The following SMPD3 variants were observed in gnomAD, a reference collection of about 807,000 sequenced individuals.
SMPD3 encodes sphingomyelin phosphodiesterase 3, also known as nSMase-2.
SMPD3 carries 21 observed loss-of-function variants against 55.7 expected under a neutral mutation model. The observed-to-expected ratio is 0.38, with a 90% confidence interval of 0.27 to 0.54. The LOEUF is 0.54. Ranked by LOEUF, SMPD3 falls within the 20% of genes least tolerant of loss-of-function variation. The pLI, the probability that SMPD3 is intolerant of heterozygous loss-of-function variation, is 0.80. For missense variants in SMPD3, 842 were observed against 899.6 expected, an observed-to-expected ratio of 0.94 and a Z score of 0.82; for synonymous variants, 457 against 404.3, an observed-to-expected ratio of 1.13 and a Z score of -1.56.
Position 68,361,019 on chromosome 16 carries a change from C to G in SMPD3, c.*187G>C, listed in dbSNP as rs1332559550. The G allele has an allele frequency of 1.7e-6, 1 of 579,072 alleles. No homozygotes were observed. Among genetic ancestry groups the G allele is most frequent in the East Asian group, 2.9e-5 (1 of 34,108 alleles). The allele number at this position is 579,072 out of a possible 1,614,324, so 35.9% of individuals were successfully genotyped here. On this transcript the variant is annotated 3_prime_UTR_variant, in exon 9 of 9. Coordinates refer to ENST00000219334, the MANE Select transcript of SMPD3 (RefSeq NM_018667.4). ...CTGGAGGCTCCTGGGGCGGGCCTGA[C>G]TCCTCTGTCCACAGTGAGGCCCAGA...
intron 1 of SMPD3, among the ~76,000 whole-genome samples, chr16:68,424,981 C>A (rs1315008144): frequency 6.6e-6 from 1 of 152,150 alleles, no homozygotes; most frequent in African/African-American, 2.4e-5. Context: ...CAAAATGCTG[C>A]GATTGCTGGT....
intron 2 of SMPD3, among the ~76,000 whole-genome samples, chr16:68,382,986 A>G (rs1368854224): frequency 2.0e-5 from 3 of 152,158 alleles, no homozygotes; most frequent in African/African-American, 7.2e-5. Flanking sequence ...CTGGGATTAC[A>G]GGCATGTGCC....
chr16:68,410,948 G>A (rs1192549160), intron 1 of SMPD3, among the ~76,000 whole-genome samples: 5 of 152,240 alleles, frequency 3.3e-5, no homozygotes, highest in African/African-American at 4.8e-5. Flanking sequence ...CAGACTTCAC[G>A]GCAGATGCCA....
chr16:68,445,595 T>C (rs139837821), intron 1 of SMPD3, among the ~76,000 whole-genome samples: 197 of 152,282 alleles, frequency 1.3e-3, no homozygotes, highest in Non-Finnish European at 2.4e-3. Flanking sequence ...CTCTACACCA[T>C]GGGGGAGTGT....
chr16:68,412,278 G>A (rs772770602), intron 1 of SMPD3, among the ~76,000 whole-genome samples: 1 of 152,164 alleles, frequency 6.6e-6, no homozygotes, highest in African/African-American at 2.4e-5. Context: ...GTGCCAACAC[G>A]CACTGCCATT....
chr16:68,426,153 A>G (rs2090434562), intron 1 of SMPD3, among the ~76,000 whole-genome samples: 1 of 152,222 alleles, frequency 6.6e-6, no homozygotes, highest in Non-Finnish European at 1.5e-5. Flanking sequence ...TGCAAGATGC[A>G]TAGCATAGTT....
In SMPD3 at chr16:68,361,047, C is replaced by T. The variant is rs970853395; in HGVS notation, c.*159G>A. The T allele has an allele frequency of 2.0e-5, 13 of 658,392 alleles. No homozygotes were observed. Among genetic ancestry groups the T allele is most frequent in the African/African-American group, 3.6e-5 (2 of 54,928 alleles). The allele number at this position is 658,392 out of a possible 1,614,324, so 40.8% of individuals were successfully genotyped here. A position where few individuals can be genotyped will look rare whatever the true frequency, so the allele number is the denominator to read the frequency against. ...CTCTGTCCACAGTGAGGCCCAGAGGCGCAGAGCAGCGCAGCTTCCAGGTTC... is the reference window on the plus strand; with the variant it reads ...CTCTGTCCACAGTGAGGCCCAGAGGTGCAGAGCAGCGCAGCTTCCAGGTTC... On this transcript the variant is annotated 3_prime_UTR_variant, in exon 9 of 9. Transcript: ENST00000219334.
intron 1 of SMPD3, among the ~76,000 whole-genome samples, chr16:68,420,849 G>A (rs552863672): frequency 6.6e-6 from 1 of 152,302 alleles, no homozygotes; most frequent in South Asian, 2.1e-4. Context: ...TCAGGTAGGT[G>A]GGGGCCCTGA....
At chr16:68,379,591 G>A (rs1255284396) in intron 2 of SMPD3, among the ~76,000 whole-genome samples, 1 of 152,192 alleles carries the variant, frequency 6.6e-6, no homozygotes, top group Non-Finnish European at 1.5e-5. Context: ...GGTGCATGGC[G>A]AGGACAGTGC....
In SMPD3 at chr16:68,358,966, A is replaced by C. The variant is rs2089041708; in HGVS notation, c.*2240T>G. On this transcript the variant is annotated 3_prime_UTR_variant, in exon 9 of 9. Coordinates refer to ENST00000219334, the MANE Select transcript of SMPD3 (RefSeq NM_018667.4). ...GTGTGCGGGGGCCTGGGGGCCGCAC[A>C]TCCTTACTCTGGACCCCAGGACCTG... 6.6e-6 allele frequency: 1 copy of C among 152,606 alleles called. No individual in the cohort carries two copies. The highest frequency in any genetic ancestry group is 1.5e-5 in the Non-Finnish European group (1 of 68,052). 9.5% of individuals were successfully genotyped at this position (152,606 alleles called of 1,614,324 possible).
At chr16:68,394,149 C>A (rs1018104963) in intron 1 of SMPD3, among the ~76,000 whole-genome samples, 1 of 152,084 alleles carries the variant, frequency 6.6e-6, no homozygotes, top group African/African-American at 2.4e-5. Context: ...TTTCTGGAAA[C>A]TTTTCTTATA....
At chr16:68,398,182 A>G (rs550691820) in intron 1 of SMPD3, among the ~76,000 whole-genome samples, 1 of 152,360 alleles carries the variant, frequency 6.6e-6, no homozygotes, top group Admixed American at 6.5e-5. Flanking sequence ...GGTCAAGGAC[A>G]GAAGCTTGGG....
chr16:68,402,069 C>T (rs374111469), intron 1 of SMPD3, among the ~76,000 whole-genome samples: 22 of 152,332 alleles, frequency 1.4e-4, no homozygotes, highest in African/African-American at 4.8e-4. Flanking sequence ...ACCCACGCCA[C>T]GGCTGGCTAG....
intron 1 of SMPD3, among the ~76,000 whole-genome samples, chr16:68,440,383 T>C (rs1326844960): frequency 6.6e-6 from 1 of 152,144 alleles, no homozygotes. Flanking sequence ...GTATTTTTAG[T>C]AGAGATGGGG....
At chr16:68,419,275 C>T (rs2090368315) in intron 1 of SMPD3, among the ~76,000 whole-genome samples, 1 of 152,206 alleles carries the variant, frequency 6.6e-6, no homozygotes, top group Non-Finnish European at 1.5e-5. Context: ...GGCGCTTGAG[C>T]CAGGGTCCCA....
chr16:68,379,461 A>G (rs926204903), intron 2 of SMPD3, among the ~76,000 whole-genome samples: 1 of 152,198 alleles, frequency 6.6e-6, no homozygotes, highest in East Asian at 1.9e-4. Context: ...GCTTATTTTT[A>G]TCATTTTGCT....
At chr16:68,369,084 G>T (rs1160787392) in intron 3 of SMPD3, 1 of 152,096 alleles carries the variant, frequency 6.6e-6, no homozygotes, top group Admixed American at 6.6e-5. Flanking sequence ...AGGCGTGGTG[G>T]TGCATGTCTG....
At chr16:68,446,606 C>T (rs1182207550) in intron 1 of SMPD3, among the ~76,000 whole-genome samples, 1 of 152,196 alleles carries the variant, frequency 6.6e-6, no homozygotes, top group Non-Finnish European at 1.5e-5. Context: ...CACATTCACA[C>T]CCACACTCTG....
chr16:68,396,296 G>T (rs1427442082), intron 1 of SMPD3, among the ~76,000 whole-genome samples: 1 of 152,002 alleles, frequency 6.6e-6, no homozygotes, highest in Non-Finnish European at 1.5e-5. Flanking sequence ...CTACCCCCAG[G>T]ATCGATCCTT....
Sources: gnomAD v4.1 joint callset for allele counts (sites outside exome capture counted in the v4.1 genomes callset) on GRCh38, gnomAD v4.1.1 for gene constraint, MANE v1.5 for transcripts, NCBI Gene and HGNC (gene_info 2026-07-23, HGNC 2026-07-21) for gene names.